Variants in RBFOX1 observed in about 807,000 individuals in gnomAD.
The protein encoded by RBFOX1 is RNA binding protein fox-1 homolog 1.
RBFOX1 carries 8 observed loss-of-function variants against 57.7 expected under a neutral mutation model. That is an observed-to-expected ratio of 0.14 (90% confidence interval 0.08 to 0.25). RBFOX1 has a LOEUF of 0.25. Among genes scored for constraint, RBFOX1 ranks in the 10% least tolerant of loss-of-function variants. The pLI is 1.00. For missense variants in RBFOX1, 611 were observed against 548.5 expected (o/e 1.11, Z -1.14); for synonymous variants, 326 against 222.4 (o/e 1.47, Z -4.15).
chr16:6,620,487 A>G (rs1339780316), intron 2 of RBFOX1, among the ~76,000 whole-genome samples: 1 of 152,232 alleles, frequency 6.6e-6, no homozygotes, highest in Non-Finnish European at 1.5e-5. Context: ...GACAGGAAAT[A>G]ACCAAAATCG....
intron 2 of RBFOX1, among the ~76,000 whole-genome samples, chr16:6,500,340 G>C (rs1463461491): frequency 6.6e-6 from 1 of 152,056 alleles, no homozygotes; most frequent in Non-Finnish European, 1.5e-5. Context: ...ACATGGACAT[G>C]GATGCACGTG....
chr16:7,477,874 G>C (rs922903524), intron 4 of RBFOX1, among the ~76,000 whole-genome samples: 1 of 152,112 alleles, frequency 6.6e-6, no homozygotes, highest in South Asian at 2.1e-4. Flanking sequence ...GCTTTGCTAG[G>C]GCTGGCAGCA....
At chr16:6,155,699 C>G (rs944926068) in intron 1 of RBFOX1, among the ~76,000 whole-genome samples, 1 of 152,184 alleles carries the variant, frequency 6.6e-6, no homozygotes, top group African/African-American at 2.4e-5. Flanking sequence ...CAGACTCAGA[C>G]TCCTTGAAGT....
At chr16:7,162,546 A>G (rs886748908) in intron 4 of RBFOX1, among the ~76,000 whole-genome samples, 1 of 147,972 alleles carries the variant, frequency 6.8e-6, no homozygotes, top group Non-Finnish European at 1.5e-5. Context: ...CCTGGCCAAC[A>G]TGGTGAAACC....
At chr16:6,752,360 T>C (rs1387565381) in intron 3 of RBFOX1, among the ~76,000 whole-genome samples, 1 of 152,192 alleles carries the variant, frequency 6.6e-6, no homozygotes, top group Admixed American at 6.5e-5. Flanking sequence ...CTAATTAATA[T>C]GCTGTGTCCA....
chr16:5,733,992 T>C (rs1461759554), intron 3 of RBFOX1, among the ~76,000 whole-genome samples: 1 of 152,154 alleles, frequency 6.6e-6, no homozygotes, highest in African/African-American at 2.4e-5. Flanking sequence ...TGGGCACGTG[T>C]TACCTATTAG....
intron 1 of RBFOX1, among the ~76,000 whole-genome samples, chr16:5,427,045 TG>T (rs1026169994): frequency 9.2e-5 from 14 of 152,244 alleles, no homozygotes; most frequent in African/African-American, 3.4e-4. Context: ...TCTGTTTTTT[TG>T]GCTTTTACCT....
At chr16:7,582,158 G>A (rs1602440717) in intron 6 of RBFOX1, among the ~76,000 whole-genome samples, 1 of 151,874 alleles carries the variant, frequency 6.6e-6, no homozygotes, top group African/African-American at 2.4e-5. Flanking sequence ...TTCCTGACTA[G>A]CTGGGACTAC....
intron 4 of RBFOX1, among the ~76,000 whole-genome samples, chr16:7,355,676 A>G (rs1025568206): frequency 1.3e-5 from 2 of 152,198 alleles, no homozygotes; most frequent in African/African-American, 4.8e-5. Context: ...AATTCTATAA[A>G]CAGTAATACC....
intron 3 of RBFOX1, among the ~76,000 whole-genome samples, chr16:6,824,983 G>GTGTTTTTTTTTTTTTTTTTTT (rs2091914748): frequency 2.7e-5 from 1 of 36,878 alleles, no homozygotes; most frequent in Non-Finnish European, 5.9e-5. Context: ...TTCTTTCTTG[G>GTGTTTTTTTTTTTTTTTTTTT]TTTTTTTTTT....
At position 7,709,344 on chromosome 16, in the gene RBFOX1, C is replaced by T. The variant is rs955589863; in HGVS notation, c.1071+213C>T. 4 of 982,744 alleles carry T rather than the reference C, an allele frequency of 4.1e-6. No individual in the cohort carries two copies. The African/African-American group carries it at 5.0e-5, about 12-fold the overall frequency. 60.9% of individuals were successfully genotyped at this position (982,744 alleles called of 1,614,324 possible). On this transcript the variant is annotated intron_variant, in intron 15 of 15. Coordinates refer to ENST00000550418, the MANE Select transcript of RBFOX1 (RefSeq NM_018723.4). ...GTAGTGCATGTAAGTTATTATATTT[C>T]TAATTTTGCAAGTCTCACCTAGCAG...
chr16:6,644,057 CAG>C (rs1199393717), intron 2 of RBFOX1, among the ~76,000 whole-genome samples: 1 of 152,092 alleles, frequency 6.6e-6, no homozygotes, highest in Non-Finnish European at 1.5e-5. Context: ...ACCCGGGAGG[CAG>C]AGTTTGCAGT....
At chr16:7,206,627 G>C (rs1190948059) in intron 4 of RBFOX1, among the ~76,000 whole-genome samples, 2 of 152,058 alleles carry the variant, frequency 1.3e-5, no homozygotes, top group East Asian at 1.9e-4. Flanking sequence ...GAAGTGCTAA[G>C]AATGCTGTCT....
intron 1 of RBFOX1, among the ~76,000 whole-genome samples, chr16:5,310,376 G>A (rs1000452920): frequency 1.3e-5 from 2 of 152,010 alleles, no homozygotes; most frequent in African/African-American, 4.8e-5. Context: ...ACTCCACCCT[G>A]GGTGACAGAG....
chr16:6,815,546 C>T (rs992388928), intron 3 of RBFOX1, among the ~76,000 whole-genome samples: 2 of 152,160 alleles, frequency 1.3e-5, no homozygotes, highest in South Asian at 2.1e-4. Flanking sequence ...AGACATTATG[C>T]CAGTCTCTAT....
intron 4 of RBFOX1, among the ~76,000 whole-genome samples, chr16:5,868,119 G>T (rs953287266): frequency 2.0e-5 from 3 of 152,192 alleles, no homozygotes; most frequent in Non-Finnish European, 2.9e-5. Context: ...CACCAGCAAG[G>T]TGACCACCCA....
intron 3 of RBFOX1, among the ~76,000 whole-genome samples, chr16:5,801,560 C>T (rs919583108): frequency 1.3e-4 from 20 of 151,746 alleles, no homozygotes; most frequent in Non-Finnish European, 2.9e-5. Flanking sequence ...TGCATGCACG[C>T]GGGGATGAGT....
intron 3 of RBFOX1, among the ~76,000 whole-genome samples, chr16:6,995,418 A>G (rs1424907123): frequency 3.3e-5 from 5 of 151,606 alleles, no homozygotes; most frequent in Admixed American, 1.3e-4. Context: ...TGATAGACCT[A>G]TGGGGTGTTT....
At chr16:6,384,601 A>G (rs577185778) in intron 2 of RBFOX1, among the ~76,000 whole-genome samples, 1 of 152,296 alleles carries the variant, frequency 6.6e-6, no homozygotes, top group Admixed American at 6.5e-5. Context: ...AGGGCTTTGG[A>G]GGTCATCTAA....
Sources: gnomAD v4.1 joint callset for allele counts (sites outside exome capture counted in the v4.1 genomes callset) on GRCh38, gnomAD v4.1.1 for gene constraint, MANE v1.5 for transcripts, NCBI Gene and HGNC (gene_info 2026-07-23, HGNC 2026-07-21) for gene names.